PPARGC1A: variants seen among roughly 807,000 people sequenced by gnomAD.
The protein encoded by PPARGC1A is peroxisome proliferator-activated receptor gamma coactivator 1-alpha.
Under a neutral mutation model 88.7 loss-of-function variants are expected in PPARGC1A, and 25 were observed. The ratio of observed to expected loss-of-function variants is 0.28; its 90% confidence interval spans 0.21 to 0.39. The LOEUF (loss-of-function observed/expected upper bound fraction) is 0.39. PPARGC1A is among the 10% of genes least tolerant of loss of function. The pLI, the probability that PPARGC1A is intolerant of heterozygous loss-of-function variation, is 1.00. For synonymous variants in PPARGC1A, 363 were observed against 355.6 expected (o/e 1.02, Z -0.24); for missense variants, 880 against 968.7 (o/e 0.91, Z 1.22).
chr4:24,467,853 A>G, the PPARGC1A span, among the ~76,000 whole-genome samples: 1 of 152,146 alleles, frequency 6.6e-6, no homozygotes, highest in Non-Finnish European at 1.5e-5. Flanking sequence ...CCATTTTTAT[A>G]TTTCTAGTCT....
At chr4:23,924,376 CT>C in the PPARGC1A span, among the ~76,000 whole-genome samples, 1 of 152,152 alleles carries the variant, frequency 6.6e-6, no homozygotes, top group Non-Finnish European at 1.5e-5. Flanking sequence ...GTCTGTAATC[CT>C]AGCACTTCGG....
At chr4:24,413,082 C>G in the PPARGC1A span, among the ~76,000 whole-genome samples, 1 of 152,152 alleles carries the variant, frequency 6.6e-6, no homozygotes, top group Non-Finnish European at 1.5e-5. Context: ...ATAGAATTCT[C>G]TTTCTTACTT....
the PPARGC1A span, among the ~76,000 whole-genome samples, chr4:24,342,788 G>C: frequency 6.6e-6 from 1 of 152,148 alleles, no homozygotes; most frequent in Non-Finnish European, 1.5e-5. Flanking sequence ...TCCCTGTTGG[G>C]TTCTATCATG....
At chr4:24,096,775 A>T in the PPARGC1A span, among the ~76,000 whole-genome samples, 2 of 152,212 alleles carry the variant, frequency 1.3e-5, no homozygotes, top group Non-Finnish European at 2.9e-5. Flanking sequence ...TTTTCCCTCC[A>T]GATAAGCAGC....
At chr4:24,144,515 C>T in the PPARGC1A span, among the ~76,000 whole-genome samples, 1 of 151,960 alleles carries the variant, frequency 6.6e-6, no homozygotes, top group Non-Finnish European at 1.5e-5. Context: ...TTCAGATGTG[C>T]AACCTGAGAT....
intron 2 of PPARGC1A, among the ~76,000 whole-genome samples, chr4:23,839,584 ACT>A (rs1240358677): frequency 1.3e-5 from 2 of 151,980 alleles, no homozygotes; most frequent in Non-Finnish European, 2.9e-5. Flanking sequence ...AAACAACTCA[ACT>A]CTCTGGCTGC....
the PPARGC1A span, among the ~76,000 whole-genome samples, chr4:24,154,660 T>A: frequency 6.6e-6 from 1 of 152,082 alleles, no homozygotes; most frequent in South Asian, 2.1e-4. Context: ...GCTTCTAAGC[T>A]GAGTTATCAA....
At chr4:24,081,505 C>G in the PPARGC1A span, among the ~76,000 whole-genome samples, 2 of 152,140 alleles carry the variant, frequency 1.3e-5, no homozygotes, top group African/African-American at 2.4e-5. Flanking sequence ...GGACTCCCAC[C>G]ACTGCAAGAA....
At chr4:24,455,870 A>T in the PPARGC1A span, among the ~76,000 whole-genome samples, 4 of 152,236 alleles carry the variant, frequency 2.6e-5, no homozygotes, top group Non-Finnish European at 5.9e-5. Flanking sequence ...TAAGAAATAA[A>T]TCTCTGTTTT....
At chr4:24,043,193 G>T in the PPARGC1A span, among the ~76,000 whole-genome samples, 1 of 152,200 alleles carries the variant, frequency 6.6e-6, no homozygotes, top group Admixed American at 6.5e-5. Flanking sequence ...AAATTCAGAA[G>T]CCCAAAGAAG....
At chr4:24,064,972 C>T in the PPARGC1A span, among the ~76,000 whole-genome samples, 1 of 152,138 alleles carries the variant, frequency 6.6e-6, no homozygotes, top group African/African-American at 2.4e-5. Flanking sequence ...GCCAGGACAA[C>T]GTTAAGATAG....
the PPARGC1A span, among the ~76,000 whole-genome samples, chr4:24,337,845 G>T: frequency 6.6e-6 from 1 of 152,252 alleles, no homozygotes; most frequent in Non-Finnish European, 1.5e-5. Flanking sequence ...GCCCAAATAA[G>T]GTTCCCCCAA....
chr4:24,017,509 C>A, the PPARGC1A span, among the ~76,000 whole-genome samples: 1 of 151,758 alleles, frequency 6.6e-6, no homozygotes, highest in African/African-American at 2.4e-5. Context: ...GATGGTTAAG[C>A]AAACAGAGAG....
At chr4:24,275,438 A>G in the PPARGC1A span, among the ~76,000 whole-genome samples, 1 of 152,204 alleles carries the variant, frequency 6.6e-6, no homozygotes, top group African/African-American at 2.4e-5. Flanking sequence ...CTATTTATTT[A>G]TTCAAGCAAA....
chr4:23,966,951 A>T, the PPARGC1A span, among the ~76,000 whole-genome samples: 80 of 152,122 alleles, frequency 5.3e-4, no homozygotes, highest in Non-Finnish European at 1.1e-3. Flanking sequence ...CTCCCAAAGC[A>T]TTTCTTCATG....
At chr4:24,437,633 GTTGTT>G in the PPARGC1A span, among the ~76,000 whole-genome samples, 3 of 140,812 alleles carry the variant, frequency 2.1e-5, no homozygotes, top group Admixed American at 7.1e-5. Flanking sequence ...TGTTGTTGTT[GTTGTT>G]TTAGTTTTGG....
At chr4:24,469,984 A>T in the PPARGC1A span, among the ~76,000 whole-genome samples, 1 of 152,054 alleles carries the variant, frequency 6.6e-6, no homozygotes, top group Non-Finnish European at 1.5e-5. Flanking sequence ...GATGCTGCGA[A>T]ACCTCCCATC....
the PPARGC1A span, among the ~76,000 whole-genome samples, chr4:24,369,367 G>A: frequency 1.3e-5 from 2 of 152,190 alleles, no homozygotes; most frequent in South Asian, 2.1e-4. Context: ...CATTTTCACC[G>A]ATAAGGCCAA....
At chr4:24,445,610 T>G in the PPARGC1A span, among the ~76,000 whole-genome samples, 5 of 152,130 alleles carry the variant, frequency 3.3e-5, no homozygotes, top group African/African-American at 1.2e-4. Flanking sequence ...AGAGGGTAAG[T>G]CAAGATCACA....
Sources: gnomAD v4.1 joint callset for allele counts (sites outside exome capture counted in the v4.1 genomes callset) on GRCh38, gnomAD v4.1.1 for gene constraint, MANE v1.5 for transcripts, NCBI Gene and HGNC (gene_info 2026-07-23, HGNC 2026-07-21) for gene names.